The following UHRF2 variants were observed in gnomAD, a reference collection of about 807,000 sequenced individuals.
UHRF2 encodes the protein ubiquitin like with PHD and ring finger domains 2, also known as E3 ubiquitin-protein ligase UHRF2.
In UHRF2, 23 loss-of-function variants were observed where a neutral mutation model predicts 96.8. The ratio of observed to expected loss-of-function variants is 0.24; its 90% CI spans 0.17 to 0.34. UHRF2 has a LOEUF of 0.34. Among genes scored for constraint, UHRF2 ranks in the 10% least tolerant of loss-of-function variants. The pLI, the probability that UHRF2 is intolerant of heterozygous loss-of-function variation, is 1.00. For synonymous variants in UHRF2, 385 were observed against 332.6 expected, an observed-to-expected ratio of 1.16 and a Z score of -1.72; for missense variants, 685 against 981.5, an observed-to-expected ratio of 0.70 and a Z score of 4.04.
At chr9:6,477,934 G>C in intron 6 of UHRF2, 126 bp downstream of exon 6, 1 of 781,728 alleles carries the variant, frequency 1.3e-6, no homozygotes, top group Non-Finnish European at 2.0e-6. Context: ...ATGGCCAGTG[G>C]TTACTTAGCA....
chr9:6,460,602 A>G lies in UHRF2; in HGVS notation c.674A>G (p.Asn225Ser). The G allele has an allele frequency of 1.2e-6, 2 of 1,608,928 alleles. No individual in the cohort carries two copies. Among genetic ancestry groups the G allele is most frequent in the Non-Finnish European group, 1.7e-6 (2 of 1,176,958 alleles). ...EYPESGTLEM[N>S]VKDLRPRART... is the part of the protein sequence containing the mutation. Reference sequence around the variant, plus strand: ...CCAGAAAGCGGTACTCTAGAAATGAATGTCAAGGATCTTAGACCACGAGCT... The same window carrying G: ...CCAGAAAGCGGTACTCTAGAAATGAGTGTCAAGGATCTTAGACCACGAGCT... Residue 225 changes from asparagine to serine, a missense_variant, in exon 4 of 16, where the codon AAT becomes AGT. By Grantham distance (46) the Asn-to-Ser change is conservative. Around this residue, in one of 6 missense-constraint regions of UHRF2, gnomAD observed 391 missense variants for 437.0 expected, o/e 0.89. Transcript: ENST00000276893.
At chr9:6,500,746 A>G in intron 14 of UHRF2, 37 bp downstream of exon 14, 1 of 1,552,752 alleles carries the variant, frequency 6.4e-7, no homozygotes, top group Non-Finnish European at 8.7e-7. Context: ...ACATTCTGAT[A>G]TTAACAAATG....
chr9:6,494,129 A>C, intron 10 of UHRF2, 197 bp downstream of exon 10: 1 of 516,216 alleles, frequency 1.9e-6, no homozygotes, highest in Middle Eastern at 5.0e-4. Context: ...TAAATGCCAT[A>C]ATTTCTAGTC....
intron 1 of UHRF2, among the ~76,000 whole-genome samples, chr9:6,415,943 C>T (rs559832547): frequency 6.6e-6 from 1 of 152,352 alleles, no homozygotes; most frequent in South Asian, 2.1e-4. Context: ...TACCTGAAAT[C>T]CTCACGCCAG....
At chr9:6,487,298 C>T (rs1411961581) in intron 9 of UHRF2, among the ~76,000 whole-genome samples, 1 of 138,078 alleles carries the variant, frequency 7.2e-6, no homozygotes, top group East Asian at 2.3e-4. Context: ...AAGTGATTTT[C>T]CTGCCTCAGC....
At chr9:6,423,668 G>T (rs111518641) in intron 2 of UHRF2, among the ~76,000 whole-genome samples, 2 of 149,880 alleles carry the variant, frequency 1.3e-5, no homozygotes, top group African/African-American at 4.9e-5. Flanking sequence ...AGTCTCGGCC[G>T]GGCGTGGTGG....
chr9:6,489,354 A>G (rs992383589), intron 9 of UHRF2, among the ~76,000 whole-genome samples: 2 of 152,244 alleles, frequency 1.3e-5, no homozygotes, highest in African/African-American at 2.4e-5. Context: ...TAGCTATTAC[A>G]GATAAAGCTA....
At chr9:6,504,255 G>A (rs144254539) in intron 14 of UHRF2, 88 of 164,224 alleles carry the variant, frequency 5.4e-4, no homozygotes, top group African/African-American at 1.9e-3. Context: ...TCGATCTCCT[G>A]ACCTTGTGAT....
At chr9:6,429,391 CTG>C (rs372122535) in intron 2 of UHRF2, among the ~76,000 whole-genome samples, 4 of 152,314 alleles carry the variant, frequency 2.6e-5, no homozygotes, top group African/African-American at 9.6e-5. Context: ...GGTAATAAGA[CTG>C]TACTCTGAGG....
At chr9:6,449,800 A>G (rs1821740657) in intron 3 of UHRF2, among the ~76,000 whole-genome samples, 3 of 152,162 alleles carry the variant, frequency 2.0e-5, no homozygotes, top group Admixed American at 2.0e-4. Flanking sequence ...TCAGCCCCTA[A>G]TTATCTTGAA....
intron 4 of UHRF2, among the ~76,000 whole-genome samples, chr9:6,474,644 T>C (rs541104972): frequency 1.2e-4 from 19 of 152,276 alleles, no homozygotes; most frequent in African/African-American, 4.3e-4. Context: ...AGGTGGAGAC[T>C]ACAGTGAGCC....
rs1819408865 is a variant in UHRF2, at chr9:6,413,471, G to C, written c.-20G>C. On this transcript the variant is annotated 5_prime_UTR_variant, in exon 1 of 16. Coordinates refer to ENST00000276893, the MANE Select transcript of UHRF2 (RefSeq NM_152896.3). ...GCTCAGGGGGAGACAAAGGGGACCG[G>C]TTCCTCTCTAGGCGCCAAGATGTGG... The C allele has an allele frequency of 6.6e-7, 1 of 1,523,982 alleles. No individual in the cohort carries two copies. Among genetic ancestry groups the C allele is most frequent in the African/African-American group, 1.4e-5 (1 of 70,086 alleles). The allele number at this position is 1,523,982 out of a possible 1,614,324, so 94.4% of individuals were successfully genotyped here.
intron 8 of UHRF2, among the ~76,000 whole-genome samples, chr9:6,485,803 CAAAAAAAAAAAAAAAA>C: frequency 3.4e-5 from 2 of 59,226 alleles, no homozygotes; most frequent in Middle Eastern, 0.029. Flanking sequence ...TGTCTCTACC[CAAAAAAAAAAAAAAAA>C]AAAAAAAAAC....
chr9:6,460,585 C>T lies in UHRF2; in HGVS notation c.657C>T (p.Ser219=), dbSNP rs751851075. Residue 219 remains serine (S), a synonymous_variant, in exon 4 of 16, where the codon AGC becomes AGT. Transcript: ENST00000276893. ...TCTCTCTCCTCAGATACCCAGAAAG[C>T]GGTACTCTAGAAATGAATGTCAAGG... ...YHIQYDEYPE[S]GTLEMNVKDL... is the part of the protein sequence containing the mutation. 15 of 1,602,916 alleles carry T rather than the reference C, an allele frequency of 9.4e-6. 1 individual carries two copies. The highest frequency in any genetic ancestry group is 5.4e-5 in the African/African-American group (4 of 74,660).
At chr9:6,490,502 C>T (rs892194858) in intron 9 of UHRF2, among the ~76,000 whole-genome samples, 4 of 152,182 alleles carry the variant, frequency 2.6e-5, no homozygotes, top group African/African-American at 7.2e-5. Flanking sequence ...GTGATGCATG[C>T]CTGTAATCCC....
At chr9:6,468,875 T>C in intron 4 of UHRF2, 1 of 357,258 alleles carries the variant, frequency 2.8e-6, no homozygotes, top group South Asian at 2.1e-5. Context: ...TGACTCAGCA[T>C]AGATGCTGAT....
intron 12 of UHRF2, 184 bp from the exon 13 acceptor site, chr9:6,499,651 G>C: frequency 2.4e-6 from 1 of 414,136 alleles, no homozygotes; most frequent in Non-Finnish European, 4.5e-6. Context: ...CATAAATTGG[G>C]ATTTTAATAG....
chr9:6,493,742 A>G (rs1824810892), intron 9 of UHRF2, 84 bp from the exon 10 acceptor site: 3 of 1,194,484 alleles, frequency 2.5e-6, no homozygotes, highest in Non-Finnish European at 3.5e-6. Context: ...TAACATCCTA[A>G]TGAAATGTTT....
intron 4 of UHRF2, among the ~76,000 whole-genome samples, chr9:6,472,160 C>T (rs1823280684): frequency 6.6e-6 from 1 of 152,114 alleles, no homozygotes; most frequent in African/African-American, 2.4e-5. Flanking sequence ...AGCATTGGTC[C>T]CAGACCACCA....
Sources: gnomAD v4.1 joint callset for allele counts (sites outside exome capture counted in the v4.1 genomes callset) on GRCh38, gnomAD v4.1.1 for gene constraint, gnomAD v4.1.1 regional missense constraint, MANE v1.5 for transcripts, NCBI Gene and HGNC (gene_info 2026-07-23, HGNC 2026-07-21) for gene names.